The following SLC16A12 variants were observed in gnomAD, a reference collection of about 807,000 sequenced individuals.
SLC16A12 encodes the protein solute carrier family 16 member 12, also known as monocarboxylate transporter 12.
Under a neutral mutation model 42.4 loss-of-function variants are expected in SLC16A12, and 17 were observed. The ratio of observed to expected loss-of-function variants is 0.40; its 90% CI spans 0.27 to 0.60. The LOEUF is 0.60. Among genes scored for constraint, SLC16A12 ranks in the 20% least tolerant of loss-of-function variants. The pLI is 0.42. For missense variants in SLC16A12, 544 were observed against 623.0 expected (o/e 0.87, Z 1.35); for synonymous variants, 224 against 229.4 (o/e 0.98, Z 0.21).
upstream of SLC16A12, among the ~76,000 whole-genome samples, chr10:89,536,901 G>A (rs551984600): frequency 1.1e-3 from 168 of 152,250 alleles, 1 homozygote; most frequent in Middle Eastern, 3.4e-3. Context: ...GCAGTGGTGC[G>A]ATTTTGGCTC....
chr10:89,458,836 G>A (rs532462101), intron 3 of SLC16A12, among the ~76,000 whole-genome samples: 14 of 152,172 alleles, frequency 9.2e-5, no homozygotes, highest in Non-Finnish European at 1.6e-4. Context: ...AATCAGGATG[G>A]ATTATCCCCT....
At chr10:89,478,808 G>C (rs1842619253) in intron 2 of SLC16A12, among the ~76,000 whole-genome samples, 1 of 152,194 alleles carries the variant, frequency 6.6e-6, no homozygotes, top group African/African-American at 2.4e-5. Context: ...TGGAAACACT[G>C]TTTTCTTAAT....
chr10:89,460,289 ATATAGATGAGTCTTACAGACTCATAT>A (rs1449905137), intron 3 of SLC16A12, among the ~76,000 whole-genome samples: 8 of 152,154 alleles, frequency 5.3e-5, no homozygotes, highest in South Asian at 4.1e-4. Flanking sequence ...AAGACTCATA[ATATAGATGAGTCTTACAGACTCATAT>A]TATAGACTCA....
chr10:89,491,509 GT>G lies in SLC16A12; in HGVS notation c.-46-28886del, dbSNP rs201689489. 9.8e-3 allele frequency among the ~76,000 whole-genome samples: 1,437 copies of G among 146,006 alleles called. 22 individuals are homozygous for G. The highest frequency in any genetic ancestry group is 0.032 in the African/African-American group (1,300 of 40,062). On this transcript the variant is annotated intron_variant, in intron 2 of 7. Transcript: ENST00000371790. The stretch of plus-strand genomic sequence containing the variant: ...TCCCACTGAGCCAGACCCTAGAGGA[GT>G]TTTTTTTTTTTTAAATTAATTCCAG...
intron 3 of SLC16A12, among the ~76,000 whole-genome samples, chr10:89,451,030 C>A (rs1842088693): frequency 3.3e-5 from 5 of 152,156 alleles, no homozygotes; most frequent in Admixed American, 3.3e-4. Context: ...CACTGTGCAA[C>A]TTGGAAAAGC....
At chr10:89,466,872 A>G (rs1842409220) in intron 2 of SLC16A12, among the ~76,000 whole-genome samples, 1 of 152,206 alleles carries the variant, frequency 6.6e-6, no homozygotes, top group Admixed American at 6.5e-5. Context: ...TACTGTGCTA[A>G]CATAAATCAA....
intron 2 of SLC16A12, among the ~76,000 whole-genome samples, chr10:89,500,625 T>A (rs1171580065): frequency 6.6e-6 from 1 of 151,906 alleles, no homozygotes; most frequent in East Asian, 1.9e-4. Flanking sequence ...CTCAGCAAAA[T>A]CGGCATACAA....
chr10:89,554,222 C>A (rs1039029157), intron 2 of SLC16A12, among the ~76,000 whole-genome samples: 1 of 152,032 alleles, frequency 6.6e-6, no homozygotes, highest in Non-Finnish European at 1.5e-5. Flanking sequence ...CACCTGACTT[C>A]CCTAGAAAAA....
At chr10:89,505,832 G>T (rs1564592875) in intron 2 of SLC16A12, among the ~76,000 whole-genome samples, 1 of 152,202 alleles carries the variant, frequency 6.6e-6, no homozygotes, top group African/African-American at 2.4e-5. Context: ...AAGATCCATT[G>T]GCTTGAAATT....
At position 89,432,555 on chromosome 10, in the gene SLC16A12, C is replaced by A. The variant is rs548098959; in HGVS notation, c.*509G>T. 3.5e-4 allele frequency: 54 copies of A among 153,246 alleles called. 1 individual carries two copies. The highest frequency in any genetic ancestry group is 8.4e-4 in the Admixed American group (13 of 15,406). 9.5% of individuals were successfully genotyped at this position (153,246 alleles called of 1,614,324 possible). ...TATTCTTTAACAATCCCAAGTAAAA[C>A]CCTAATGAGAAACTCCACCATGAAA... On this transcript the variant is annotated 3_prime_UTR_variant, in exon 8 of 8. Transcript: ENST00000371790.
chr10:89,455,639 T>C (rs1453303787), intron 3 of SLC16A12, among the ~76,000 whole-genome samples: 1 of 152,206 alleles, frequency 6.6e-6, no homozygotes, highest in East Asian at 1.9e-4. Flanking sequence ...GGCATGATAT[T>C]AAATAAATGA....
At chr10:89,549,767 A>G (rs999173955) in intron 2 of SLC16A12, among the ~76,000 whole-genome samples, 1 of 152,164 alleles carries the variant, frequency 6.6e-6, no homozygotes, top group African/African-American at 2.4e-5. Flanking sequence ...TCTGCCCCAC[A>G]TGCTCTGCTC....
chr10:89,486,599 AAAAAAAAGAAAGAAAGAAAGAAAG>A (rs1564585725), intron 2 of SLC16A12, among the ~76,000 whole-genome samples: 1 of 121,516 alleles, frequency 8.2e-6, no homozygotes, highest in African/African-American at 3.2e-5. Context: ...CTCAAAAAAA[AAAAAAAAGAAAGAAAGAAAGAAAG>A]AAAGAAAGAA....
rs117434675 is a variant in SLC16A12 at position 89,443,334 on chromosome 10, G to A, written c.304+422C>T. Among the ~76,000 whole-genome samples, 782 of 152,326 alleles carry A rather than the reference G, an allele frequency of 5.1e-3. 4 individuals carry two copies. Among genetic ancestry groups the A allele is most frequent in the Non-Finnish European group, 7.8e-3 (530 of 68,026 alleles). ...GTGATACAACACTGTTGGCACTTAT[G>A]ACTATGTAAAAATGGCTCATGGTAC... is the stretch of plus-strand genomic sequence containing the variant. On this transcript the variant is annotated intron_variant, in intron 4 of 7. Coordinates refer to ENST00000371790, the MANE Select transcript of SLC16A12 (RefSeq NM_213606.4).
At chr10:89,466,347 A>G (rs1163344998) in intron 2 of SLC16A12, among the ~76,000 whole-genome samples, 4 of 152,210 alleles carry the variant, frequency 2.6e-5, no homozygotes, top group Non-Finnish European at 1.5e-5. Context: ...GCATTGCAGA[A>G]AAGAGACAAT....
chr10:89,505,409 T>C (rs993380080), intron 2 of SLC16A12, among the ~76,000 whole-genome samples: 1 of 151,062 alleles, frequency 6.6e-6, no homozygotes, highest in African/African-American at 2.4e-5. Context: ...GGTGACAGAG[T>C]GAGACTCCAT....
At chr10:89,435,994 G>A (rs955414895) in intron 7 of SLC16A12, 66 bp downstream of exon 7, 11 of 1,602,784 alleles carry the variant, frequency 6.9e-6, no homozygotes, top group African/African-American at 1.3e-5. Flanking sequence ...CTGCATGTGG[G>A]TTTGCTGTTT....
chr10:89,492,004 A>C (rs1037306447), intron 2 of SLC16A12, among the ~76,000 whole-genome samples: 1 of 152,240 alleles, frequency 6.6e-6, no homozygotes, highest in African/African-American at 2.4e-5. Context: ...CTTAAGTATA[A>C]ATAGATTATG....
chr10:89,439,840 G>A (rs1323703058), intron 5 of SLC16A12, among the ~76,000 whole-genome samples: 2 of 151,944 alleles, frequency 1.3e-5, no homozygotes, highest in Non-Finnish European at 2.9e-5. Context: ...GGGATGCTGA[G>A]GCAGGCAGAT....
Sources: gnomAD v4.1 joint callset for allele counts (sites outside exome capture counted in the v4.1 genomes callset) on GRCh38, gnomAD v4.1.1 for gene constraint, MANE v1.5 for transcripts, NCBI Gene and HGNC (gene_info 2026-07-23, HGNC 2026-07-21) for gene names.